The following GLIS1 variants were observed in gnomAD, a reference collection of about 807,000 sequenced individuals.
The protein encoded by GLIS1 is zinc finger protein GLIS1.
GLIS1 carries 24 observed loss-of-function variants against 63.8 expected under a neutral mutation model. That is an observed-to-expected ratio of 0.38 (90% CI 0.27 to 0.53). The LOEUF is 0.53. Ranked by LOEUF, GLIS1 falls within the 20% of genes least tolerant of loss-of-function variation. The pLI, the probability that GLIS1 is intolerant of heterozygous loss-of-function variation, is 0.85. For synonymous variants in GLIS1, 450 were observed against 482.5 expected, an observed-to-expected ratio of 0.93 and a Z score of 0.88; for missense variants, 1,036 against 1,074.1, an observed-to-expected ratio of 0.96 and a Z score of 0.50.
In GLIS1 at chr1:53,639,271, G is replaced by A. The variant is rs568278292; in HGVS notation, c.260-38993C>T. ...TAAGGGAGCTGCGGGCTGGCAGGGCGATGGCATATCCAGAAAGTGCCAGTG... is the reference window on the plus strand; with the variant it reads ...TAAGGGAGCTGCGGGCTGGCAGGGCAATGGCATATCCAGAAAGTGCCAGTG... On this transcript the variant is annotated intron_variant, in intron 2 of 10. Coordinates refer to ENST00000628545, the MANE Select transcript of GLIS1 (RefSeq NM_001367484.1). The surrounding 1 kb of genome is among the most constrained non-coding windows in gnomAD (Gnocchi z 4.6). 2.0e-4 allele frequency among the ~76,000 whole-genome samples: 31 copies of A among 152,246 alleles called. No homozygotes were observed. Among genetic ancestry groups the A allele is most frequent in the African/African-American group, 5.5e-4 (23 of 41,548 alleles).
intron 4 of GLIS1, among the ~76,000 whole-genome samples, chr1:53,575,323 G>A (rs949139071): frequency 6.6e-6 from 1 of 152,110 alleles, no homozygotes; most frequent in Admixed American, 6.5e-5. Flanking sequence ...CAAAGCCCAA[G>A]CTCCTCAGTC....
chr1:53,509,763 C>T (rs475322), intron 9 of GLIS1, 86 bp downstream of exon 9: 51 of 805,266 alleles, frequency 6.3e-5, no homozygotes, highest in African/African-American at 1.1e-4. Flanking sequence ...CTGCCTCCCC[C>T]ACTAGGTCAC....
At chr1:53,689,766 C>T (rs948479515) in intron 2 of GLIS1, among the ~76,000 whole-genome samples, 1 of 152,170 alleles carries the variant, frequency 6.6e-6, no homozygotes, top group Admixed American at 6.5e-5. Context: ...GATGTGTTAC[C>T]CCCACCAGGC....
At chr1:53,555,024 G>A (rs1644803584) in intron 4 of GLIS1, among the ~76,000 whole-genome samples, 1 of 152,194 alleles carries the variant, frequency 6.6e-6, no homozygotes, top group African/African-American at 2.4e-5. Flanking sequence ...GCAGACCTGG[G>A]CAGCTTCCCT....
intron 4 of GLIS1, among the ~76,000 whole-genome samples, chr1:53,540,927 G>T (rs1487091138): frequency 6.6e-6 from 1 of 152,258 alleles, no homozygotes; most frequent in Non-Finnish European, 1.5e-5. Context: ...TCCCTGTCTT[G>T]AGTGGGTGGA....
intron 2 of GLIS1, among the ~76,000 whole-genome samples, chr1:53,656,877 A>G (rs1265971448): frequency 6.6e-6 from 1 of 152,232 alleles, no homozygotes; most frequent in Non-Finnish European, 1.5e-5. Context: ...GCATGCCGCC[A>G]GGCTACCGCA....
At chr1:53,704,460 T>A (rs1043518111) in intron 2 of GLIS1, among the ~76,000 whole-genome samples, 1 of 151,700 alleles carries the variant, frequency 6.6e-6, no homozygotes, top group African/African-American at 2.4e-5. Context: ...CCTCAGGGGG[T>A]CTTTTAATTC....
rs1026821604 is a variant in GLIS1 at position 53,574,916 on chromosome 1, T to C, written c.1320+19192A>G. On this transcript the variant is annotated intron_variant, in intron 4 of 10. Transcript: ENST00000628545. The surrounding 1 kb of genome is among the most constrained non-coding windows in gnomAD (Gnocchi z 4.2). Reference sequence around the variant, plus strand: ...CCTTCACAGCAACTCTCTTAACAAATGGTGTGATCACTCCGGGGGCAGGGT... The same window carrying C: ...CCTTCACAGCAACTCTCTTAACAAACGGTGTGATCACTCCGGGGGCAGGGT... Among the ~76,000 whole-genome samples the C allele has an allele frequency of 2.6e-5, 4 of 152,094 alleles. No homozygotes were observed. Among genetic ancestry groups the C allele is most frequent in the Non-Finnish European group, 4.4e-5 (3 of 68,024 alleles).
At chr1:53,657,374 G>A (rs1200811611) in intron 2 of GLIS1, among the ~76,000 whole-genome samples, 1 of 152,200 alleles carries the variant, frequency 6.6e-6, no homozygotes, top group Admixed American at 6.5e-5. Context: ...ATGGGTAAGA[G>A]GGATTAAGAT....
intron 4 of GLIS1, among the ~76,000 whole-genome samples, chr1:53,580,796 T>C (rs1229921924): frequency 1.3e-5 from 2 of 152,216 alleles, no homozygotes; most frequent in African/African-American, 4.8e-5. Flanking sequence ...TGTTTTTGGA[T>C]GGTGGAATCA....
At chr1:53,543,819 C>T (rs535194899) in intron 4 of GLIS1, among the ~76,000 whole-genome samples, 7 of 152,122 alleles carry the variant, frequency 4.6e-5, no homozygotes, top group East Asian at 1.9e-4. Context: ...GGTCATCTGC[C>T]GGCCAGGCAG....
intron 3 of GLIS1, 138 bp from the exon 4 acceptor site, chr1:53,595,128 C>T: frequency 1.6e-6 from 1 of 639,326 alleles, no homozygotes; most frequent in East Asian, 3.3e-5. Context: ...GGGCTAGAGG[C>T]AGAGAAAGAG....
At chr1:53,595,657 A>G (rs1180242906) in intron 3 of GLIS1, among the ~76,000 whole-genome samples, 1 of 152,182 alleles carries the variant, frequency 6.6e-6, no homozygotes, top group Non-Finnish European at 1.5e-5. Flanking sequence ...TGAGGCTGGC[A>G]TTTTGAGGAA....
chr1:53,545,898 G>A lies in GLIS1; in HGVS notation c.1321-15946C>T, dbSNP rs561507921. 3.4e-3 allele frequency among the ~76,000 whole-genome samples: 524 copies of A among 152,330 alleles called. 2 individuals carry two copies. The highest frequency in any genetic ancestry group is 6.0e-3 in the Non-Finnish European group (411 of 68,028). On this transcript the variant is annotated intron_variant, in intron 4 of 10. Transcript: ENST00000628545. ...GCATCTGGAGCCAGATCCGGTCCAT[G>A]CGCTGGCTCCTGTCCTACGTGACAT...
intron 2 of GLIS1, among the ~76,000 whole-genome samples, chr1:53,653,483 G>C (rs1169455599): frequency 2.6e-5 from 4 of 152,086 alleles, no homozygotes; most frequent in Non-Finnish European, 4.4e-5. Context: ...GCGTTCCTCT[G>C]TTCTGTCTCG....
intron 2 of GLIS1, among the ~76,000 whole-genome samples, chr1:53,682,030 G>C (rs960033326): frequency 6.6e-6 from 1 of 152,086 alleles, no homozygotes; most frequent in African/African-American, 2.4e-5. Context: ...CAACTAATTC[G>C]TTGGCTCTTA....
At chr1:53,632,883 TGA>T (rs1645676637) in intron 2 of GLIS1, among the ~76,000 whole-genome samples, 1 of 143,076 alleles carries the variant, frequency 7.0e-6, no homozygotes, top group East Asian at 2.2e-4. Flanking sequence ...TGAGTGTGAC[TGA>T]GGGGCGTGTG....
intron 2 of GLIS1, among the ~76,000 whole-genome samples, chr1:53,616,411 C>T (rs1645483211): frequency 6.6e-6 from 1 of 152,220 alleles, no homozygotes; most frequent in Non-Finnish European, 1.5e-5. Flanking sequence ...ATATTTATTA[C>T]TTCATGCTTG....
chr1:53,583,518 G>C (rs957491324), intron 4 of GLIS1, among the ~76,000 whole-genome samples: 19 of 152,254 alleles, frequency 1.2e-4, no homozygotes, highest in Admixed American at 9.8e-4. Flanking sequence ...CCCAGGAAAC[G>C]TACCGCCCAG....
Sources: allele counts gnomAD v4.1 joint callset (sites outside exome capture counted in the v4.1 genomes callset), GRCh38; gene constraint gnomAD v4.1.1; non-coding constraint Gnocchi (gnomAD v3.1); transcripts MANE v1.5; gene names NCBI Gene and HGNC (gene_info 2026-07-23, HGNC 2026-07-21).